FIGN: variants seen among roughly 807,000 people sequenced by gnomAD.
The protein encoded by FIGN is fidgetin.
A neutral mutation model predicts 51.3 loss-of-function variants in FIGN; 11 were observed. That is an observed-to-expected ratio of 0.21 (90% CI 0.13 to 0.35). FIGN has a LOEUF of 0.35. Ranked by LOEUF, FIGN falls within the 10% of genes least tolerant of loss-of-function variation. FIGN has a pLI of 1.00. For missense variants in FIGN, 857 were observed against 943.6 expected, an observed-to-expected ratio of 0.91 and a Z score of 1.20; for synonymous variants, 407 against 363.2, an observed-to-expected ratio of 1.12 and a Z score of -1.37.
chr2:163,728,474 A>G (rs1684875217), intron 2 of FIGN, among the ~76,000 whole-genome samples: 1 of 151,870 alleles, frequency 6.6e-6, no homozygotes, highest in African/African-American at 2.4e-5. Context: ...AAAAAGTCAC[A>G]TGATATATAG....
At chr2:163,632,883 T>A (rs189071233) in intron 2 of FIGN, among the ~76,000 whole-genome samples, 137 of 152,298 alleles carry the variant, frequency 9.0e-4, no homozygotes, top group African/African-American at 3.2e-3. Flanking sequence ...CTTACTGTGT[T>A]ATTTTTCCTA....
intron 2 of FIGN, among the ~76,000 whole-genome samples, chr2:163,676,519 T>G (rs945630837): frequency 7.2e-6 from 1 of 138,594 alleles, no homozygotes; most frequent in African/African-American, 2.6e-5. Flanking sequence ...AGAAACATAG[T>G]TTTATACTAA....
chr2:163,638,909 T>A (rs910409630), intron 2 of FIGN, among the ~76,000 whole-genome samples: 6 of 149,080 alleles, frequency 4.0e-5, no homozygotes, highest in Non-Finnish European at 6.0e-5. Flanking sequence ...TTTTCTCCTC[T>A]AAAAAAAACA....
At chr2:163,724,220 A>G (rs1386834872) in intron 2 of FIGN, among the ~76,000 whole-genome samples, 1 of 152,160 alleles carries the variant, frequency 6.6e-6, no homozygotes, top group African/African-American at 2.4e-5. Flanking sequence ...CATCATCGTT[A>G]CTTTCCTGAG....
rs138074416 is a variant in FIGN at position 163,669,015 on chromosome 2, A to AATATATATATATATATATATATAT, written c.26-57210_26-57209insATATATATATATATATATATATAT. 2.8e-3 allele frequency among the ~76,000 whole-genome samples: 381 copies of AATATATATATATATATATATATAT among 138,350 alleles called. 3 individuals carry two copies. Among genetic ancestry groups the AATATATATATATATATATATATAT allele is most frequent in the African/African-American group, 9.0e-3 (316 of 35,276 alleles). 90.8% of individuals were successfully genotyped at this position (138,350 alleles called of 152,430 possible). On this transcript the variant is annotated intron_variant, in intron 2 of 2. Coordinates refer to ENST00000333129, the MANE Select transcript of FIGN (RefSeq NM_018086.4). Reference sequence around the variant, plus strand: ...TCTTAGCATAATTAAGAAAAAAAGGAATATATATATATATATATATACACT... The same window carrying AATATATATATATATATATATATAT: ...TCTTAGCATAATTAAGAAAAAAAGGAATATATATATATATATATATATATATATATATATATATATATATACACT...
In FIGN at chr2:163,724,851, A is replaced by G. The variant is rs543913581; in HGVS notation, c.25+10052T>C. Reference sequence around the variant, plus strand: ...CACTTTTTAAAATTATGGGGACGAAAAGATACGGAGAATATAATTTGTTAA... The same window carrying G: ...CACTTTTTAAAATTATGGGGACGAAGAGATACGGAGAATATAATTTGTTAA... On this transcript the variant is annotated intron_variant, in intron 2 of 2. Transcript: ENST00000333129. Among the ~76,000 whole-genome samples the G allele has an allele frequency of 1.2e-4, 19 of 152,278 alleles. No homozygotes were observed. The East Asian group carries it at 3.7e-3, about 29-fold the overall frequency.
intron 2 of FIGN, among the ~76,000 whole-genome samples, chr2:163,714,843 T>G (rs1684644359): frequency 6.6e-6 from 1 of 152,164 alleles, no homozygotes; most frequent in South Asian, 2.1e-4. Context: ...ACATTCACAT[T>G]CAAAAGTTTA....
chr2:163,662,919 A>G (rs1371757010), intron 2 of FIGN, among the ~76,000 whole-genome samples: 1 of 152,176 alleles, frequency 6.6e-6, no homozygotes, highest in Non-Finnish European at 1.5e-5. Context: ...CTGCCACCAC[A>G]TAAGAAGTGA....
chr2:163,672,219 G>T (rs1218802459), intron 2 of FIGN, among the ~76,000 whole-genome samples: 1 of 147,112 alleles, frequency 6.8e-6, no homozygotes, highest in African/African-American at 2.5e-5. Flanking sequence ...AAAACTATTT[G>T]ACAATTAGAT....
At chr2:163,691,137 C>T (rs1482340485) in intron 2 of FIGN, among the ~76,000 whole-genome samples, 1 of 152,034 alleles carries the variant, frequency 6.6e-6, no homozygotes, top group Non-Finnish European at 1.5e-5. Context: ...GAACACTGTG[C>T]ACTTTGTTTT....
chr2:163,676,733 T>C (rs566046820), intron 2 of FIGN, among the ~76,000 whole-genome samples: 41 of 152,126 alleles, frequency 2.7e-4, no homozygotes, highest in Middle Eastern at 3.4e-3. Context: ...TTTACACAGA[T>C]AGCCAAAGTC....
At chr2:163,677,865 C>T (rs1385733156) in intron 2 of FIGN, among the ~76,000 whole-genome samples, 1 of 152,146 alleles carries the variant, frequency 6.6e-6, no homozygotes, top group Admixed American at 6.5e-5. Context: ...CCATATTCCT[C>T]AACTTTCTAG....
rs374458554 is a variant in FIGN at position 163,655,804 on chromosome 2, C to CACACAGAG, written c.26-43999_26-43998insCTCTGTGT. On this transcript the variant is annotated intron_variant, in intron 2 of 2. Coordinates refer to ENST00000333129, the MANE Select transcript of FIGN (RefSeq NM_018086.4). ...ACACACGCACACACACACACACACA[C>CACACAGAG]AGAGAGAGAGAGAGAGAGAGAGAGC... Among the ~76,000 whole-genome samples the CACACAGAG allele has an allele frequency of 8.6e-3, 1,253 of 145,824 alleles. 19 individuals are homozygous for CACACAGAG. Among genetic ancestry groups the CACACAGAG allele is most frequent in the African/African-American group, 0.03 (1,191 of 39,454 alleles).
chr2:163,652,449 G>T (rs1683493846), intron 2 of FIGN, among the ~76,000 whole-genome samples: 1 of 142,514 alleles, frequency 7.0e-6, no homozygotes, highest in African/African-American at 2.6e-5. Flanking sequence ...CTTAGGGATA[G>T]GATTTTTCTA....
At chr2:163,733,758 G>A (rs1021263533) in intron 2 of FIGN, among the ~76,000 whole-genome samples, 17 of 152,084 alleles carry the variant, frequency 1.1e-4, no homozygotes, top group Middle Eastern at 3.2e-3. Flanking sequence ...TGTATGTCGC[G>A]CAACGGGTCT....
intron 2 of FIGN, among the ~76,000 whole-genome samples, chr2:163,644,525 A>G (rs941003452): frequency 2.0e-5 from 3 of 152,200 alleles, no homozygotes; most frequent in African/African-American, 4.8e-5. Flanking sequence ...TATGTTTTCC[A>G]GTACTCAAAG....
rs375434106 is a variant in FIGN at position 163,700,160 on chromosome 2, T to G, written c.25+34743A>C. ...TGCACCAGTTATGCACCTAGTAAACTATTGACATTGTGATTAGTTATAACG... is the reference window on the plus strand; with the variant it reads ...TGCACCAGTTATGCACCTAGTAAACGATTGACATTGTGATTAGTTATAACG... On this transcript the variant is annotated intron_variant, in intron 2 of 2. Coordinates refer to ENST00000333129, the MANE Select transcript of FIGN (RefSeq NM_018086.4). Among the ~76,000 whole-genome samples the G allele has an allele frequency of 7.3e-4, 111 of 152,300 alleles. 2 individuals are homozygous for G. Among genetic ancestry groups the G allele is most frequent in the African/African-American group, 2.6e-3 (107 of 41,572 alleles).
At position 163,697,913 on chromosome 2, in the gene FIGN, C is replaced by A. The variant is rs539532747; in HGVS notation, c.25+36990G>T. 3.3e-5 allele frequency among the ~76,000 whole-genome samples: 5 copies of A among 152,300 alleles called. No homozygotes were observed. In the East Asian group the frequency reaches 9.7e-4, roughly 29 times the overall value. ...ATTTTTCCTTATCCCTCCCTCCAAT[C>A]TCTCTATCTTCATTGTCACTTCTAT... On this transcript the variant is annotated intron_variant, in intron 2 of 2. Transcript: ENST00000333129.
rs532211698 is a variant in FIGN, at chr2:163,618,766, T to G, written c.26-6960A>C. On this transcript the variant is annotated intron_variant, in intron 2 of 2. Transcript: ENST00000333129. ...ACTTTGTCATGGTGCTCCTACCCCCTGACAATGTCAGGTATTTTCATGGTA... is the reference window on the plus strand; with the variant it reads ...ACTTTGTCATGGTGCTCCTACCCCCGGACAATGTCAGGTATTTTCATGGTA... Among the ~76,000 whole-genome samples, 4 of 152,244 alleles carry G rather than the reference T, an allele frequency of 2.6e-5. No individual in the cohort carries two copies. In the South Asian group the frequency reaches 8.3e-4, roughly 32 times the overall value.
Sources: gnomAD v4.1 joint callset for allele counts (sites outside exome capture counted in the v4.1 genomes callset) on GRCh38, gnomAD v4.1.1 for gene constraint, MANE v1.5 for transcripts, NCBI Gene and HGNC (gene_info 2026-07-23, HGNC 2026-07-21) for gene names.